Variants in IQCJ observed in about 807,000 individuals in gnomAD.
The protein encoded by IQCJ is IQ motif containing J, also known as IQ domain-containing protein J.
In IQCJ, 9 loss-of-function variants were observed where a neutral mutation model predicts 11.0. That is an observed-to-expected ratio of 0.82 (90% CI 0.49 to 1.43). IQCJ has a LOEUF of 1.43. Among genes scored for constraint, IQCJ ranks in the 40% most tolerant of loss-of-function variants. The pLI is 0.00. For synonymous variants in IQCJ, 55 were observed against 51.3 expected (o/e 1.07, Z -0.31); for missense variants, 146 against 133.2 (o/e 1.10, Z -0.47).
chr3:159,109,247 C>T (rs1159499943), intron 1 of IQCJ, among the ~76,000 whole-genome samples: 2 of 152,074 alleles, frequency 1.3e-5, no homozygotes, highest in Non-Finnish European at 2.9e-5. Context: ...GTATTAGTTC[C>T]CATAAAAGAC....
At chr3:159,105,306 T>C (rs1718185222) in intron 1 of IQCJ, among the ~76,000 whole-genome samples, 1 of 152,218 alleles carries the variant, frequency 6.6e-6, no homozygotes, top group African/African-American at 2.4e-5. Flanking sequence ...CATGGATGAA[T>C]TTGTTACAAT....
At chr3:159,229,403 T>C (rs960827473) in intron 1 of IQCJ, among the ~76,000 whole-genome samples, 3 of 152,050 alleles carry the variant, frequency 2.0e-5, no homozygotes, top group Admixed American at 2.0e-4. Context: ...TAAGTCAGTT[T>C]TTGCATAGAA....
intron 1 of IQCJ, among the ~76,000 whole-genome samples, chr3:159,070,442 T>C (rs185770093): frequency 6.6e-6 from 1 of 152,238 alleles, no homozygotes. Flanking sequence ...GAAAGATACT[T>C]GCAACACTAT....
chr3:159,112,326 AT>A (rs143087771), intron 1 of IQCJ, among the ~76,000 whole-genome samples: 22 of 151,298 alleles, frequency 1.5e-4, no homozygotes, highest in Admixed American at 2.6e-4. Context: ...ATAAAATTGG[AT>A]TTTTTTTTCA....
intron 1 of IQCJ, among the ~76,000 whole-genome samples, chr3:159,127,797 G>T (rs1719761013): frequency 6.6e-6 from 1 of 152,120 alleles, no homozygotes; most frequent in East Asian, 1.9e-4. Context: ...TAACTCAGTG[G>T]GAATGACACT....
intron 1 of IQCJ, among the ~76,000 whole-genome samples, chr3:159,127,469 C>G (rs968961627): frequency 3.3e-5 from 5 of 152,156 alleles, no homozygotes; most frequent in African/African-American, 1.2e-4. Flanking sequence ...AAAGTAAGAG[C>G]TCAGGAAACT....
In IQCJ at chr3:159,110,619, G is replaced by A. The variant is rs57326226; in HGVS notation, c.9+41178G>A. Among the ~76,000 whole-genome samples the A allele has an allele frequency of 9.9e-3, 1,509 of 152,228 alleles. 27 individuals are homozygous for A. The highest frequency in any genetic ancestry group is 0.034 in the African/African-American group (1,421 of 41,528). Reference sequence around the variant, plus strand: ...TTGTTTACAGGACCAGTCTCCTTGTGTAGACCGTGACTGTTAGGAGGGGCC... The same window carrying A: ...TTGTTTACAGGACCAGTCTCCTTGTATAGACCGTGACTGTTAGGAGGGGCC... On this transcript the variant is annotated intron_variant, in intron 1 of 3. Transcript: ENST00000397832.
intron 1 of IQCJ, among the ~76,000 whole-genome samples, chr3:159,074,482 CA>C (rs1251400084): frequency 6.6e-6 from 1 of 151,956 alleles, no homozygotes; most frequent in African/African-American, 2.4e-5. Flanking sequence ...GGAAAGATGA[CA>C]AGGGTCTAAC....
intron 1 of IQCJ, among the ~76,000 whole-genome samples, chr3:159,149,276 T>C (rs1721077240): frequency 1.3e-5 from 2 of 152,188 alleles, no homozygotes; most frequent in African/African-American, 4.8e-5. Context: ...CAGGCTTTAA[T>C]AAAAGGAACG....
intron 1 of IQCJ, among the ~76,000 whole-genome samples, chr3:159,105,442 G>T (rs747937181): frequency 2.0e-5 from 3 of 152,048 alleles, no homozygotes; most frequent in African/African-American, 7.3e-5. Flanking sequence ...TACATCCTGG[G>T]TACTATCTCA....
At chr3:159,102,853 A>T (rs1046635342) in intron 1 of IQCJ, among the ~76,000 whole-genome samples, 19 of 152,102 alleles carry the variant, frequency 1.2e-4, no homozygotes, top group African/African-American at 4.6e-4. Flanking sequence ...GAGTGAGGGG[A>T]TCTCCAACTT....
chr3:159,222,296 C>T (rs1022298909), intron 1 of IQCJ, among the ~76,000 whole-genome samples: 14 of 152,064 alleles, frequency 9.2e-5, no homozygotes, highest in Admixed American at 3.3e-4. Context: ...TACACATACG[C>T]ATGAAATATT....
chr3:159,158,166 A>G (rs34066429), intron 1 of IQCJ, among the ~76,000 whole-genome samples: 25,398 of 152,158 alleles, frequency 0.17, 2,190 homozygotes, highest in Middle Eastern at 0.2. Context: ...AAAATGTTTT[A>G]AAGGTACTGT....
At chr3:159,206,369 G>A (rs1373162335) in intron 1 of IQCJ, among the ~76,000 whole-genome samples, 1 of 152,076 alleles carries the variant, frequency 6.6e-6, no homozygotes. Context: ...TGCATGGCAT[G>A]GTGGGACCCC....
chr3:159,208,198 T>C (rs1287464755), intron 1 of IQCJ, among the ~76,000 whole-genome samples: 1 of 152,182 alleles, frequency 6.6e-6, no homozygotes, highest in Non-Finnish European at 1.5e-5. Flanking sequence ...GCCCAGACTA[T>C]TCCTCAAGGA....
chr3:159,193,372 T>C (rs1014277134), intron 1 of IQCJ, among the ~76,000 whole-genome samples: 1 of 152,206 alleles, frequency 6.6e-6, no homozygotes, highest in East Asian at 1.9e-4. Context: ...TCCAATCTGA[T>C]ACCTCAGGGA....
intron 2 of IQCJ, among the ~76,000 whole-genome samples, chr3:159,246,360 T>A (rs1727269960): frequency 6.6e-6 from 1 of 152,134 alleles, no homozygotes; most frequent in East Asian, 1.9e-4. Context: ...AAAGTAAATA[T>A]TTATAATATA....
chr3:159,163,718 A>T (rs1193079900), intron 1 of IQCJ, among the ~76,000 whole-genome samples: 1 of 152,154 alleles, frequency 6.6e-6, no homozygotes, highest in Non-Finnish European at 1.5e-5. Context: ...AGAAAGTAGG[A>T]TGTGATTATC....
chr3:159,140,508 G>A (rs376834124), intron 1 of IQCJ, among the ~76,000 whole-genome samples: 16 of 152,256 alleles, frequency 1.1e-4, no homozygotes, highest in South Asian at 4.1e-4. Flanking sequence ...AAAATATCAC[G>A]TTATAAATTT....
Sources: allele counts gnomAD v4.1 joint callset (sites outside exome capture counted in the v4.1 genomes callset), GRCh38; gene constraint gnomAD v4.1.1; transcripts MANE v1.5; gene names NCBI Gene and HGNC (gene_info 2026-07-23, HGNC 2026-07-21).